ANKRD6: variants seen among roughly 807,000 people sequenced by gnomAD.
ANKRD6 encodes ankyrin repeat domain-containing protein 6.
A neutral mutation model predicts 82.3 loss-of-function variants in ANKRD6; 56 were observed. The ratio of observed to expected loss-of-function variants is 0.68; its 90% CI spans 0.55 to 0.85. ANKRD6 has a LOEUF of 0.85. Ranked by LOEUF, ANKRD6 falls within the 40% of genes least tolerant of loss-of-function variation. The pLI is 0.00. For missense variants in ANKRD6, 852 were observed against 907.6 expected (o/e 0.94, Z 0.79); for synonymous variants, 347 against 352.1 (o/e 0.99, Z 0.16).
rs374439192 is a variant in ANKRD6 at position 89,622,097 on chromosome 6, C to T, written c.897+71C>T. On this transcript the variant is annotated intron_variant, in intron 10 of 15. Coordinates refer to ENST00000339746, the MANE Select transcript of ANKRD6 (RefSeq NM_001242809.2). ...AGGGTGGGAAACTATCTCCCTGCTT[C>T]GGCCAGGTTCACCTGGTGGCTGCCC... The T allele has an allele frequency of 5.0e-3, 7,148 of 1,440,638 alleles. 32 individuals are homozygous for T. Among genetic ancestry groups the T allele is most frequent in the Middle Eastern group, 7.0e-3 (28 of 3,990 alleles). 89.2% of individuals were successfully genotyped at this position (1,440,638 alleles called of 1,614,324 possible).
chr6:89,593,610 C>G (rs966443754), intron 2 of ANKRD6, among the ~76,000 whole-genome samples: 1 of 152,184 alleles, frequency 6.6e-6, no homozygotes, highest in Non-Finnish European at 1.5e-5. Context: ...TCTGTTATCT[C>G]TGTTTTCCTC....
chr6:89,455,933 G>A (rs1474542677), intron 1 of ANKRD6, among the ~76,000 whole-genome samples: 1 of 151,834 alleles, frequency 6.6e-6, no homozygotes, highest in Non-Finnish European at 1.5e-5. Flanking sequence ...CTCTGCAGTG[G>A]TGCAATCTTG....
intron 1 of ANKRD6, among the ~76,000 whole-genome samples, chr6:89,523,918 A>G (rs1782162347): frequency 1.3e-5 from 2 of 152,180 alleles, no homozygotes; most frequent in Non-Finnish European, 2.9e-5. Flanking sequence ...TCCATCTGAT[A>G]ATGATGCAGT....
At chr6:89,482,653 A>G (rs1776944002) in intron 1 of ANKRD6, among the ~76,000 whole-genome samples, 1 of 152,078 alleles carries the variant, frequency 6.6e-6, no homozygotes, top group African/African-American at 2.4e-5. Context: ...ATTGTTGGAA[A>G]TTCTCCCCAC....
At position 89,557,579 on chromosome 6, in the gene ANKRD6, C is replaced by T. The variant is rs142105996; in HGVS notation, c.-143-9255C>T. On this transcript the variant is annotated intron_variant, in intron 1 of 15. Coordinates refer to ENST00000339746, the MANE Select transcript of ANKRD6 (RefSeq NM_001242809.2). ...GCAATTACGTCAATGTAAAACCAGC[C>T]GGTGGGAGTGCAACATGGTACAGAC... Among the ~76,000 whole-genome samples, 59 of 152,258 alleles carry T rather than the reference C, an allele frequency of 3.9e-4. 1 individual carries two copies. The highest frequency in any genetic ancestry group is 3.4e-3 in the Middle Eastern group (1 of 294).
At chr6:89,474,562 C>T (rs1454909435) in intron 1 of ANKRD6, among the ~76,000 whole-genome samples, 1 of 152,096 alleles carries the variant, frequency 6.6e-6, no homozygotes, top group East Asian at 1.9e-4. Flanking sequence ...GGACTACAGG[C>T]GCCTGCCACC....
chr6:89,631,617 G>C lies in ANKRD6; in HGVS notation c.*613G>C, dbSNP rs1281493643. 1 of 152,134 alleles carries C rather than the reference G, an allele frequency of 6.6e-6. No homozygotes were observed. Among genetic ancestry groups the C allele is most frequent in the East Asian group, 1.9e-4 (1 of 5,196 alleles). 9.4% of individuals were successfully genotyped at this position (152,134 alleles called of 1,614,324 possible). A position where few individuals can be genotyped will look rare whatever the true frequency, so the allele number is the denominator to read the frequency against. ...ATCTTATGATAAAATTTATTGAAAAGTCAGTTTATTTAAATAATGAATAAT... is the reference window on the plus strand; with the variant it reads ...ATCTTATGATAAAATTTATTGAAAACTCAGTTTATTTAAATAATGAATAAT... On this transcript the variant is annotated 3_prime_UTR_variant, in exon 16 of 16. Coordinates refer to ENST00000339746, the MANE Select transcript of ANKRD6 (RefSeq NM_001242809.2).
chr6:89,588,994 CAAAAAAAAAAA>C (rs34892881), intron 2 of ANKRD6, among the ~76,000 whole-genome samples: 1 of 48,300 alleles, frequency 2.1e-5, no homozygotes, highest in Non-Finnish European at 3.8e-5. Context: ...GACTCTGTCT[CAAAAAAAAAAA>C]AAAAAAAAAA....
intron 1 of ANKRD6, among the ~76,000 whole-genome samples, chr6:89,450,831 A>G (rs1288734552): frequency 1.3e-5 from 2 of 152,140 alleles, no homozygotes; most frequent in African/African-American, 4.8e-5. Context: ...AGGTATGTAC[A>G]TTGTTTCTTT....
At chr6:89,614,026 C>A in intron 7 of ANKRD6, 136 bp downstream of exon 7, 1 of 790,558 alleles carries the variant, frequency 1.3e-6, no homozygotes, top group Non-Finnish European at 2.0e-6. Context: ...CAGCAGTGGG[C>A]TTTGCATGGG....
intron 1 of ANKRD6, among the ~76,000 whole-genome samples, chr6:89,499,732 C>G (rs1779053082): frequency 6.6e-6 from 1 of 152,060 alleles, no homozygotes; most frequent in Non-Finnish European, 1.5e-5. Context: ...AGCAAGCCAC[C>G]CAGGGCTCTT....
rs903954810 is a variant in ANKRD6 at position 89,633,119 on chromosome 6, G to A, written c.*2115G>A. The A allele has an allele frequency of 6.6e-6, 1 of 152,152 alleles. No homozygotes were observed. Among genetic ancestry groups the A allele is most frequent in the Admixed American group, 6.5e-5 (1 of 15,276 alleles). 9.4% of individuals were successfully genotyped at this position (152,152 alleles called of 1,614,324 possible). The stretch of plus-strand genomic sequence containing the variant: ...CTGAGTATTTTTGTCAAAAGTCACA[G>A]GGAAGAGACTACAGAAGAATGAGAA... On this transcript the variant is annotated 3_prime_UTR_variant, in exon 16 of 16. Transcript: ENST00000339746.
intron 7 of ANKRD6, among the ~76,000 whole-genome samples, chr6:89,614,255 A>G (rs187947259): frequency 1.3e-5 from 2 of 152,312 alleles, no homozygotes; most frequent in Non-Finnish European, 2.9e-5. Context: ...CTCACATCCC[A>G]GTACTTTGGG....
At chr6:89,609,613 C>G (rs920789946) in intron 5 of ANKRD6, among the ~76,000 whole-genome samples, 1 of 151,090 alleles carries the variant, frequency 6.6e-6, no homozygotes, top group Non-Finnish European at 1.5e-5. Context: ...GTAATCACCA[C>G]GTTTTTTTGT....
intron 1 of ANKRD6, among the ~76,000 whole-genome samples, chr6:89,493,582 A>T (rs1421962458): frequency 6.6e-6 from 1 of 151,780 alleles, no homozygotes; most frequent in Non-Finnish European, 1.5e-5. Context: ...GCTAATTTTT[A>T]AATTTTTTTT....
rs148408742 is a variant in ANKRD6, at chr6:89,510,327, C to T, written c.-143-56507C>T. On this transcript the variant is annotated intron_variant, in intron 1 of 15. Coordinates refer to ENST00000339746, the MANE Select transcript of ANKRD6 (RefSeq NM_001242809.2). The stretch of plus-strand genomic sequence containing the variant: ...ACATAATAATCTCTGATGTGCCTAA[C>T]GTTTTAAGGGGCACATTAGCAAATA... Among the ~76,000 whole-genome samples the T allele has an allele frequency of 7.7e-4, 117 of 151,504 alleles. 1 individual carries two copies. Among genetic ancestry groups the T allele is most frequent in the African/African-American group, 2.7e-3 (113 of 41,292 alleles).
At chr6:89,436,947 G>T (rs1770713286) in intron 1 of ANKRD6, among the ~76,000 whole-genome samples, 1 of 152,118 alleles carries the variant, frequency 6.6e-6, no homozygotes, top group Admixed American at 6.5e-5. Flanking sequence ...TTATTTACTG[G>T]TGGGTTCCTT....
chr6:89,518,666 G>A (rs1168626020), intron 1 of ANKRD6, among the ~76,000 whole-genome samples: 1 of 152,126 alleles, frequency 6.6e-6, no homozygotes, highest in Admixed American at 6.5e-5. Context: ...CACTGATGAG[G>A]AATTGAACAA....
At chr6:89,501,989 C>T (rs1247871848) in intron 1 of ANKRD6, among the ~76,000 whole-genome samples, 1 of 152,140 alleles carries the variant, frequency 6.6e-6, no homozygotes, top group Non-Finnish European at 1.5e-5. Context: ...GCTGAAAGTG[C>T]TGGTGGGCAG....
Sources: allele counts gnomAD v4.1 joint callset (sites outside exome capture counted in the v4.1 genomes callset), GRCh38; gene constraint gnomAD v4.1.1; transcripts MANE v1.5; gene names NCBI Gene and HGNC (gene_info 2026-07-23, HGNC 2026-07-21).